ERMP1: variants seen among roughly 807,000 people sequenced by gnomAD.
The protein encoded by ERMP1 is endoplasmic reticulum metallopeptidase 1.
In ERMP1, 86 loss-of-function variants were observed where a neutral mutation model predicts 92.0. The observed-to-expected ratio is 0.93, with a 90% CI of 0.79 to 1.12. ERMP1 has a LOEUF of 1.12. ERMP1 is among the 50% of genes most tolerant of loss of function. The pLI is 0.00. For missense variants in ERMP1, 1,342 were observed against 1,116.3 expected (o/e 1.20, Z -2.88); for synonymous variants, 530 against 412.8 (o/e 1.28, Z -3.44).
chr9:5,811,051 A>C (rs1829070858), intron 7 of ERMP1, 60 bp downstream of exon 7: 1 of 1,214,378 alleles, frequency 8.2e-7, no homozygotes, highest in Non-Finnish European at 1.2e-6. Context: ...ACTGACTGAA[A>C]AACTTCAAGC....
chr9:5,850,405 CA>C (rs59464514), intron 6 of ERMP1, among the ~76,000 whole-genome samples: 350 of 40,558 alleles, frequency 8.6e-3, no homozygotes, highest in African/African-American at 0.036. Context: ...AACTCCGTCT[CA>C]AAAAAAAAAA....
intron 2 of ERMP1, among the ~76,000 whole-genome samples, chr9:5,826,770 A>C (rs1157719641): frequency 1.3e-5 from 2 of 152,222 alleles, no homozygotes; most frequent in Non-Finnish European, 2.9e-5. Context: ...TGACACTGTG[A>C]GTTACTTTAA....
chr9:5,795,219 T>G (rs1828368504), intron 13 of ERMP1, among the ~76,000 whole-genome samples: 1 of 152,146 alleles, frequency 6.6e-6, no homozygotes, highest in Non-Finnish European at 1.5e-5. Context: ...AAACTCTCAG[T>G]AAGCTAGGAA....
chr9:5,788,594 G>A (rs933539207), intron 13 of ERMP1, among the ~76,000 whole-genome samples: 24 of 152,122 alleles, frequency 1.6e-4, no homozygotes, highest in Admixed American at 1.4e-3. Context: ...TGACAGAAAA[G>A]GAAGCCATTG....
chr9:5,801,034 A>G, intron 11 of ERMP1, 142 bp downstream of exon 11: 1 of 670,982 alleles, frequency 1.5e-6, no homozygotes, highest in Non-Finnish European at 2.4e-6. Flanking sequence ...TCTTCTCCTC[A>G]CTGCCTTACA....
intron 6 of ERMP1, among the ~76,000 whole-genome samples, chr9:5,849,264 G>A (rs993951058): frequency 6.6e-5 from 10 of 152,176 alleles, no homozygotes; most frequent in Non-Finnish European, 1.0e-4. Flanking sequence ...CTCGTGATCT[G>A]CCCAACTTGG....
At chr9:5,830,203 A>G (rs1829887136) in intron 2 of ERMP1, among the ~76,000 whole-genome samples, 1 of 151,956 alleles carries the variant, frequency 6.6e-6, no homozygotes, top group Admixed American at 6.6e-5. Context: ...TTTTTTTTTT[A>G]AGCTCATCAG....
chr9:5,825,122 G>A lies in ERMP1; in HGVS notation c.738C>T (p.Leu246=). The change falls in exon 3 of 15, where the codon CTC becomes CTT. Residue 246 remains leucine (L), a synonymous_variant. Transcript: ENST00000339450. ...SEALHHAVIF[L]FNGAEENVLQ... Reference sequence around the variant, plus strand: ...AGACATTTTCCTCAGCACCATTAAAGAGAAATATGACAGCATGATGCAAGG... The same window carrying A: ...AGACATTTTCCTCAGCACCATTAAAAAGAAATATGACAGCATGATGCAAGG... The A allele has an allele frequency of 5.0e-6, 8 of 1,613,970 alleles. No individual in the cohort carries two copies. Among genetic ancestry groups the A allele is most frequent in the Non-Finnish European group, 5.9e-6 (7 of 1,179,912 alleles).
chr9:5,817,722 G>A (rs1386786164), intron 4 of ERMP1, among the ~76,000 whole-genome samples: 1 of 152,120 alleles, frequency 6.6e-6, no homozygotes, highest in Non-Finnish European at 1.5e-5. Flanking sequence ...GAGGAGGTAG[G>A]CCTCAGTGCC....
chr9:5,838,854 TA>T (rs1830124424), intron 6 of ERMP1, among the ~76,000 whole-genome samples: 1 of 152,148 alleles, frequency 6.6e-6, no homozygotes, highest in Non-Finnish European at 1.5e-5. Flanking sequence ...TAGTGAATAG[TA>T]AATAAAAGAA....
chr9:5,803,643 C>A (rs997083163), intron 10 of ERMP1, among the ~76,000 whole-genome samples: 2 of 152,106 alleles, frequency 1.3e-5, no homozygotes, highest in East Asian at 3.9e-4. Context: ...TAGATTAGAA[C>A]CTAATCTATA....
chr9:5,832,495 G>C, intron 1 of ERMP1, 195 bp downstream of exon 1: 1 of 484,006 alleles, frequency 2.1e-6, no homozygotes, highest in East Asian at 3.6e-5. Flanking sequence ...CCGGGGACAG[G>C]CAAGCCCCAA....
At chr9:5,787,721 A>C in intron 13 of ERMP1, 128 bp from the exon 14 acceptor site, 5 of 858,862 alleles carry the variant, frequency 5.8e-6, no homozygotes, top group East Asian at 2.7e-5. Flanking sequence ...TATAAACCTA[A>C]TGGAGGTTTA....
In ERMP1 at chr9:5,784,780, A is replaced by ACAAT. The variant is rs1018315696; in HGVS notation, c.*2360_*2363dup. On this transcript the variant is annotated 3_prime_UTR_variant, in exon 15 of 15. Coordinates refer to ENST00000339450, the MANE Select transcript of ERMP1 (RefSeq NM_024896.3). ...ACTGTAAAAACAAACACTTCATGCGACAATCATTCTTAGGTCAAACACAAG... is the reference window on the plus strand; with the variant it reads ...ACTGTAAAAACAAACACTTCATGCGACAATCAATCATTCTTAGGTCAAACACAAG... 4 of 151,668 alleles carry ACAAT rather than the reference A, an allele frequency of 2.6e-5. No individual in the cohort carries two copies. The highest frequency in any genetic ancestry group is 9.9e-5 in the African/African-American group (4 of 40,564). 9.4% of individuals were successfully genotyped at this position (151,668 alleles called of 1,614,324 possible).
rs201759067 is a variant in ERMP1 at position 5,797,816 on chromosome 9, C to A, written c.2386+1G>T. ...GGAGAAAAAACTATTATATGACTTA[C>A]CTGTTGCTTCAAAAGTCAATTTTAT... On this transcript the variant is annotated splice_donor_variant, in intron 13 of 14. Coordinates refer to ENST00000339450, the MANE Select transcript of ERMP1 (RefSeq NM_024896.3). LOFTEE classifies it high-confidence loss of function. 29 of 1,562,898 alleles carry A rather than the reference C, an allele frequency of 1.9e-5. No homozygotes were observed. Among genetic ancestry groups the A allele is most frequent in the Non-Finnish European group, 2.5e-5 (29 of 1,140,786 alleles).
At chr9:5,809,062 C>T (rs914016423) in intron 8 of ERMP1, among the ~76,000 whole-genome samples, 5 of 152,080 alleles carry the variant, frequency 3.3e-5, no homozygotes, top group African/African-American at 1.2e-4. Flanking sequence ...CTCGCTGTCG[C>T]CCCAGCTGGA....
At chr9:5,807,030 T>C (rs188889383) in intron 8 of ERMP1, among the ~76,000 whole-genome samples, 1 of 152,174 alleles carries the variant, frequency 6.6e-6, no homozygotes, top group African/African-American at 2.4e-5. Context: ...AATAAGAAAA[T>C]TATTATTATA....
intron 6 of ERMP1, among the ~76,000 whole-genome samples, chr9:5,844,534 A>G (rs1017723588): frequency 1.3e-5 from 2 of 152,120 alleles, no homozygotes; most frequent in African/African-American, 2.4e-5. Context: ...TTGGCCTCCC[A>G]AAGTGCTGGG....
In ERMP1 at chr9:5,798,862, C is replaced by G; in HGVS notation, c.2214G>C (p.Glu738Asp). The G allele has an allele frequency of 6.2e-7, 1 of 1,613,916 alleles. No homozygotes were observed. The highest frequency in any genetic ancestry group is 8.5e-7 in the Non-Finnish European group (1 of 1,179,884). ...GAAAACCACAAAGAGGTGCATTCTC[C>G]TCACAGTGAGCTCGGATACTATCAT... ...EINDSIRAHC[E>D]ENAPLCGFPW... The change falls in exon 12 of 15, where the codon GAG becomes GAC. Residue 738 changes from glutamate to aspartate, a missense_variant. Physicochemically the swap from Glu to Asp is conservative, Grantham distance 45. Coordinates refer to ENST00000339450, the MANE Select transcript of ERMP1 (RefSeq NM_024896.3).
Sources: allele counts gnomAD v4.1 joint callset (sites outside exome capture counted in the v4.1 genomes callset), GRCh38; gene constraint gnomAD v4.1.1; transcripts MANE v1.5; gene names NCBI Gene and HGNC (gene_info 2026-07-23, HGNC 2026-07-21).